The following BCL2 variants were observed in gnomAD, a reference collection of about 807,000 sequenced individuals.
BCL2 encodes apoptosis regulator Bcl-2.
BCL2 carries 1 observed loss-of-function variant against 14.2 expected under a neutral mutation model. The ratio of observed to expected loss-of-function variants is 0.07; its 90% confidence interval spans 0.02 to 0.33. The LOEUF (loss-of-function observed/expected upper bound fraction) is 0.33, where lower values mean the gene tolerates loss of function less well. BCL2 is among the 10% of genes least tolerant of loss of function. BCL2 has a pLI of 0.99. For missense variants in BCL2, 247 were observed against 305.9 expected (o/e 0.81, Z 1.44); for synonymous variants, 151 against 137.2 (o/e 1.10, Z -0.70).
intron 2 of BCL2, among the ~76,000 whole-genome samples, chr18:63,247,321 C>G (rs1318741461): frequency 6.6e-6 from 1 of 151,856 alleles, no homozygotes; most frequent in Non-Finnish European, 1.5e-5. Flanking sequence ...GCCTAAGCCT[C>G]CCGAGTAGCT....
chr18:63,209,420 A>G (rs949270214), intron 2 of BCL2, among the ~76,000 whole-genome samples: 5 of 152,204 alleles, frequency 3.3e-5, no homozygotes, highest in African/African-American at 7.2e-5. Flanking sequence ...GGATACAAAG[A>G]AAGTGAGATG....
At chr18:63,162,286 T>G (rs910558317) in intron 2 of BCL2, among the ~76,000 whole-genome samples, 2 of 152,168 alleles carry the variant, frequency 1.3e-5, no homozygotes, top group Admixed American at 6.5e-5. Flanking sequence ...TCAAAGTTCT[T>G]TTTCTGAGCC....
At chr18:63,263,726 T>G (rs1911730076) in intron 2 of BCL2, among the ~76,000 whole-genome samples, 1 of 152,230 alleles carries the variant, frequency 6.6e-6, no homozygotes, top group Non-Finnish European at 1.5e-5. Flanking sequence ...CTGGATCTAA[T>G]CTTGGCTCCA....
rs868647310 is a variant in BCL2, at chr18:63,270,825, A to T, written c.585+47257T>A. Among the ~76,000 whole-genome samples, 333 of 148,644 alleles carry T rather than the reference A, an allele frequency of 2.2e-3. 2 individuals carry two copies. Among genetic ancestry groups the T allele is most frequent in the African/African-American group, 5.3e-3 (218 of 40,800 alleles). On this transcript the variant is annotated intron_variant, in intron 2 of 2. Transcript: ENST00000333681. ...TTATCATTTAATAAGAACTTGAAGAATTTTTTTTTTTTGAGACAGTCTGGC... is the reference window on the plus strand; with the variant it reads ...TTATCATTTAATAAGAACTTGAAGATTTTTTTTTTTTTGAGACAGTCTGGC...
At chr18:63,214,167 C>A (rs191916017) in intron 2 of BCL2, among the ~76,000 whole-genome samples, 112 of 152,176 alleles carry the variant, frequency 7.4e-4, no homozygotes, top group Non-Finnish European at 1.4e-3. Context: ...GCAGAACAGA[C>A]AAGGAAGATG....
At chr18:63,194,136 A>G (rs1232348129) in intron 2 of BCL2, among the ~76,000 whole-genome samples, 1 of 152,178 alleles carries the variant, frequency 6.6e-6, no homozygotes, top group Non-Finnish European at 1.5e-5. Context: ...AACCACAAAC[A>G]GGCTGGAATT....
rs575452558 is a variant in BCL2, at chr18:63,169,244, G to A, written c.586-40485C>T. Among the ~76,000 whole-genome samples, 18 of 136,920 alleles carry A rather than the reference G, an allele frequency of 1.3e-4. 1 individual carries two copies. The East Asian group carries it at 3.5e-3, about 27-fold the overall frequency. 89.8% of individuals were successfully genotyped at this position (136,920 alleles called of 152,430 possible). A position where few individuals can be genotyped will look rare whatever the true frequency, so the allele number is the denominator to read the frequency against. On this transcript the variant is annotated intron_variant, in intron 2 of 2. Coordinates refer to ENST00000333681, the MANE Select transcript of BCL2 (RefSeq NM_000633.3). Reference sequence around the variant, plus strand: ...GCAGACAGAATAGTTTTTCCCCTTCGTGTTTTTCTTTCTTTCTTTCTTTCT... The same window carrying A: ...GCAGACAGAATAGTTTTTCCCCTTCATGTTTTTCTTTCTTTCTTTCTTTCT...
At chr18:63,162,135 A>G (rs1914936644) in intron 2 of BCL2, among the ~76,000 whole-genome samples, 1 of 152,238 alleles carries the variant, frequency 6.6e-6, no homozygotes, top group Non-Finnish European at 1.5e-5. Context: ...GAGGAAACAA[A>G]GGCCATCACC....
At chr18:63,255,972 T>C (rs575461354) in intron 2 of BCL2, among the ~76,000 whole-genome samples, 133 of 152,102 alleles carry the variant, frequency 8.7e-4, no homozygotes, top group Non-Finnish European at 1.6e-3. Context: ...GTGGCAAGGG[T>C]ATGACTGATA....
At chr18:63,171,354 A>G (rs1323453697) in intron 2 of BCL2, among the ~76,000 whole-genome samples, 1 of 152,240 alleles carries the variant, frequency 6.6e-6, no homozygotes, top group African/African-American at 2.4e-5. Context: ...TCTACCCTGC[A>G]ATTCCACTAG....
rs4987710 is a variant in BCL2 at position 63,318,021 on chromosome 18, C to T, written c.585+61G>A. The T allele has an allele frequency of 4.7e-3, 7,366 of 1,578,436 alleles. 25 individuals carry two copies. The highest frequency in any genetic ancestry group is 0.011 in the African/African-American group (852 of 74,450). ...ATTGCCCCAGGAGCCCACCCGCACT[C>T]CAACCCCCGCATCTCGGACCTGTGG... On this transcript the variant is annotated intron_variant, in intron 2 of 2. Transcript: ENST00000333681. The surrounding 1 kb of genome is among the most constrained non-coding windows in gnomAD (Gnocchi z 7.4).
At chr18:63,231,696 C>A (rs1335852237) in intron 2 of BCL2, among the ~76,000 whole-genome samples, 2 of 151,916 alleles carry the variant, frequency 1.3e-5, no homozygotes, top group African/African-American at 4.8e-5. Context: ...ACTCATAAGA[C>A]CTAAATAAAC....
intron 2 of BCL2, among the ~76,000 whole-genome samples, chr18:63,264,996 T>C (rs1911781920): frequency 8.4e-5 from 1 of 11,854 alleles, no homozygotes; most frequent in Non-Finnish European, 1.9e-4. Flanking sequence ...AGTGCCAAGA[T>C]CTGGAGAGGC....
chr18:63,160,745 T>C (rs73469313), intron 2 of BCL2, among the ~76,000 whole-genome samples: 1,575 of 151,742 alleles, frequency 0.01, 20 homozygotes, highest in African/African-American at 0.036. Context: ...TCTGTTGTTC[T>C]AGTGACCTGT....
chr18:63,126,890 A>T lies in BCL2; in HGVS notation c.*1735T>A, dbSNP rs993958621. On this transcript the variant is annotated 3_prime_UTR_variant, in exon 3 of 3. Transcript: ENST00000333681. ...AGTACATTCCAAAGTTAATACAGATAAATGGTATATAATGCAATAATGCCA... is the reference window on the plus strand; with the variant it reads ...AGTACATTCCAAAGTTAATACAGATTAATGGTATATAATGCAATAATGCCA... 1 of 228,432 alleles carries T rather than the reference A, an allele frequency of 4.4e-6. No individual in the cohort carries two copies. The highest frequency in any genetic ancestry group is 8.7e-6 in the Non-Finnish European group (1 of 114,746). The allele number at this position is 228,432 out of a possible 1,614,324, so 14.2% of individuals were successfully genotyped here.
chr18:63,139,450 T>C (rs1375567326), intron 2 of BCL2, among the ~76,000 whole-genome samples: 1 of 152,230 alleles, frequency 6.6e-6, no homozygotes, highest in Non-Finnish European at 1.5e-5. Context: ...AGTATTTAGC[T>C]TAAAGCTAAA....
chr18:63,182,526 A>G (rs1029872643), intron 2 of BCL2, among the ~76,000 whole-genome samples: 4 of 152,200 alleles, frequency 2.6e-5, no homozygotes, highest in African/African-American at 9.7e-5. Flanking sequence ...GGAAAAACAT[A>G]TGCTGCTCCC....
chr18:63,296,051 T>C (rs1281740404), intron 2 of BCL2, among the ~76,000 whole-genome samples: 2 of 152,314 alleles, frequency 1.3e-5, no homozygotes, highest in East Asian at 1.9e-4. Flanking sequence ...ATATCCACTA[T>C]AGGCTTTGAT....
intron 2 of BCL2, among the ~76,000 whole-genome samples, chr18:63,273,085 A>G (rs4987736): frequency 0.31 from 47,392 of 152,052 alleles, 7,901 homozygotes; most frequent in Middle Eastern, 0.42. Context: ...TCATAATGAT[A>G]CAGATAATCA....
Sources: allele counts gnomAD v4.1 joint callset (sites outside exome capture counted in the v4.1 genomes callset), GRCh38; gene constraint gnomAD v4.1.1; non-coding constraint Gnocchi (gnomAD v3.1); transcripts MANE v1.5; gene names NCBI Gene and HGNC (gene_info 2026-07-23, HGNC 2026-07-21).